Variants in ATP7A observed in about 807,000 individuals in gnomAD.
ATP7A encodes ATPase copper transporting alpha.
Under a neutral mutation model 83.5 loss-of-function variants are expected in ATP7A, and 7 were observed. The observed-to-expected ratio is 0.08, with a 90% confidence interval of 0.05 to 0.16. ATP7A has a LOEUF of 0.16. Ranked by LOEUF, ATP7A falls within the 10% of genes least tolerant of loss-of-function variation. The probability of loss-of-function intolerance (pLI) is 1.00; values close to 1 mark genes in which losing one functional copy is unlikely to be tolerated. For missense variants in ATP7A, 940 were observed against 1,120.8 expected, an observed-to-expected ratio of 0.84 and a Z score of 2.30; for synonymous variants, 354 against 395.2, an observed-to-expected ratio of 0.90 and a Z score of 1.24.
At chrX:77,949,016 C>T (rs1037327063) in intron 1 of ATP7A, among the ~76,000 whole-genome samples, 7 of 110,774 alleles carry the variant, frequency 6.3e-5, no homozygotes, top group Non-Finnish European at 1.3e-4. Flanking sequence ...CTCAGCCTCC[C>T]GAGTAGCTGG....
intron 1 of ATP7A, among the ~76,000 whole-genome samples, chrX:77,928,244 G>A (rs1296673475): frequency 1.8e-5 from 2 of 111,068 alleles, no homozygotes; most frequent in African/African-American, 6.6e-5. Context: ...ATTGGTGTTA[G>A]TTTATACTAC....
intron 1 of ATP7A, among the ~76,000 whole-genome samples, chrX:77,958,594 C>T: frequency 9.1e-6 from 1 of 110,423 alleles, no homozygotes. Flanking sequence ...TTTGTCATTC[C>T]ATATGAATTT....
Position 78,040,654 on chromosome X carries a change from A to G in ATP7A, c.3722A>G (p.His1241Arg), listed in dbSNP as rs1557238261. ...TVKPEAELAI[H>R]ILKSMGLEVV... is the part of the protein sequence containing the mutation. ...AAGCCTGAAGCAGAACTGGCTATCC[A>G]TATTCTGAAATCTATGGGCTTAGAA... is the stretch of plus-strand genomic sequence containing the variant. The change falls in exon 19 of 23, where the codon CAT becomes CGT. Residue 1241 changes from histidine to arginine, a missense_variant. By Grantham distance (29) the His-to-Arg change is conservative (BLOSUM62 0). Coordinates refer to ENST00000341514, the MANE Select transcript of ATP7A (RefSeq NM_000052.7). 8.3e-7 allele frequency: 1 copy of G among 1,210,771 alleles called. No homozygotes were observed. Among genetic ancestry groups the G allele is most frequent in the Non-Finnish European group, 1.1e-6 (1 of 894,421 alleles).
chrX:77,989,272 CTCA>C lies in ATP7A; in HGVS notation c.653_655del (p.His218del). ...CAAGAAGCTACTATTGTTTATCAACCTCATCTTATCTCAGTAGAGGAAATGAAA... is the reference window on the plus strand; with the variant it reads ...CAAGAAGCTACTATTGTTTATCAACCTCTTATCTCAGTAGAGGAAATGAAA... On this transcript the variant is annotated inframe_deletion, in exon 4 of 23. Transcript: ENST00000341514. The C allele has an allele frequency of 8.3e-7, 1 of 1,208,687 alleles. No homozygotes were observed. The highest frequency in any genetic ancestry group is 1.1e-6 in the Non-Finnish European group (1 of 893,341).
At chrX:77,995,567 CAAAAAAAAAAA>C (rs1232051931) in intron 4 of ATP7A, among the ~76,000 whole-genome samples, 1 of 35,026 alleles carries the variant, frequency 2.9e-5, no homozygotes, top group Non-Finnish European at 4.9e-5. Context: ...GACTCCATCT[CAAAAAAAAAAA>C]AAAAAAAAAA....
At chrX:77,978,739 A>T (rs991611428) in intron 2 of ATP7A, among the ~76,000 whole-genome samples, 2 of 112,024 alleles carry the variant, frequency 1.8e-5, no homozygotes, top group South Asian at 7.4e-4. Context: ...AAACTATCAG[A>T]GAGGTATATC....
rs1557237472 is a variant in ATP7A, at chrX:78,033,866, A to G, written c.3511+45A>G. Reference sequence around the variant, plus strand: ...AGTACCAATTATGGGGCAGTTATGAACAGATGGCTAACTTTATAACCCTGA... The same window carrying G: ...AGTACCAATTATGGGGCAGTTATGAGCAGATGGCTAACTTTATAACCCTGA... On this transcript the variant is annotated intron_variant, in intron 17 of 22. Transcript: ENST00000341514. The G allele has an allele frequency of 7.2e-6, 8 of 1,111,816 alleles. No individual in the cohort carries two copies. In the South Asian group the frequency reaches 1.5e-4, roughly 20 times the overall value. 91.6% of individuals were successfully genotyped at this position (1,111,816 alleles called of 1,213,427 possible).
intron 1 of ATP7A, among the ~76,000 whole-genome samples, chrX:77,926,000 C>G (rs1220367238): frequency 9.3e-6 from 1 of 108,025 alleles, no homozygotes; most frequent in Non-Finnish European, 1.9e-5. Context: ...ACAACTCTTT[C>G]GTGGTTTATT....
At chrX:77,998,422 G>A (rs2077717928) in intron 4 of ATP7A, 56 bp from the exon 5 acceptor site, 10 of 1,109,544 alleles carry the variant, frequency 9.0e-6, no homozygotes, top group Admixed American at 2.2e-5. Context: ...TGCAAGGCAA[G>A]GATGCAATTG....
chrX:77,950,414 A>G (rs74978250), intron 1 of ATP7A, among the ~76,000 whole-genome samples: 7,000 of 111,507 alleles, frequency 0.063, 226 homozygotes, highest in African/African-American at 0.12. Flanking sequence ...AAATATGACA[A>G]GTGTTACACT....
At chrX:77,976,107 T>C (rs1232442255) in intron 2 of ATP7A, among the ~76,000 whole-genome samples, 1 of 112,066 alleles carries the variant, frequency 8.9e-6, no homozygotes, top group Non-Finnish European at 1.9e-5. Context: ...TTTTTTGACA[T>C]ACTACCAGGA....
At chrX:78,041,310 T>C (rs1402418029) in intron 19 of ATP7A, among the ~76,000 whole-genome samples, 1 of 110,530 alleles carries the variant, frequency 9.0e-6, no homozygotes, top group African/African-American at 3.3e-5. Context: ...AGTTTCGCTC[T>C]TGTTGCCCAG....
Position 78,049,750 on chromosome X carries a change from A to C in ATP7A, c.*3180A>C, listed in dbSNP as rs1603392127. ...TAGCACTGTAGACAAGATGTTTCCA[A>C]AACTTTAAGTGCGCATATCTTTTCT... On this transcript the variant is annotated 3_prime_UTR_variant, in exon 23 of 23. Transcript: ENST00000341514. 8.9e-6 allele frequency: 1 copy of C among 112,565 alleles called. No homozygotes were observed. 9.3% of individuals were successfully genotyped at this position (112,565 alleles called of 1,213,427 possible).
chrX:78,032,711 A>G (rs1244131712), intron 16 of ATP7A, among the ~76,000 whole-genome samples: 1 of 111,966 alleles, frequency 8.9e-6, no homozygotes, highest in Non-Finnish European at 1.9e-5. Flanking sequence ...ATTGTCTCAC[A>G]TTAATTTTAC....
Position 77,989,251 on chromosome X carries a change from A to T in ATP7A, c.629A>T (p.Glu210Val). The T allele has an allele frequency of 1.7e-6, 2 of 1,207,406 alleles. No individual in the cohort carries two copies. Among genetic ancestry groups the T allele is most frequent in the Non-Finnish European group, 2.2e-6 (2 of 891,992 alleles). ...TAACTAGTCTCCCTGGACAATCAAG[A>T]AGCTACTATTGTTTATCAACCTCAT... Reference protein sequence around the residue: ...QRIKVSLDNQEATIVYQPHLI... With the variant: ...QRIKVSLDNQVATIVYQPHLI... The change falls in exon 4 of 23, where the codon GAA (glutamate) becomes GTA (valine). Residue 210 changes from glutamate (E) to valine (V), a missense_variant. By Grantham distance (121) the Glu-to-Val change is moderately radical. This residue lies in a region of ATP7A where 350 missense variants were observed against 432.8 expected (regional missense o/e 0.81). Coordinates refer to ENST00000341514, the MANE Select transcript of ATP7A (RefSeq NM_000052.7).
At chrX:77,918,963 A>G (rs2149040707) in intron 1 of ATP7A, among the ~76,000 whole-genome samples, 1 of 111,074 alleles carries the variant, frequency 9.0e-6, no homozygotes, top group South Asian at 3.7e-4. Context: ...TAAAAATTAC[A>G]TCTTTGTCTA....
intron 1 of ATP7A, among the ~76,000 whole-genome samples, chrX:77,932,006 C>G (rs1408107060): frequency 2.8e-5 from 3 of 108,856 alleles, no homozygotes; most frequent in Non-Finnish European, 5.8e-5. Flanking sequence ...GCTGACCCCC[C>G]CACCTCCCTC....
rs1209460167 is a variant in ATP7A at position 78,049,795 on chromosome X, A to C, written c.*3225A>C. On this transcript the variant is annotated 3_prime_UTR_variant, in exon 23 of 23. Transcript: ENST00000341514. ...TTTTCTGTATACAGCTTAAAATCAA[A>C]AATGTATGTTAAGAGAATTTTTTCT... is the stretch of plus-strand genomic sequence containing the variant. 1 of 112,279 alleles carries C rather than the reference A, an allele frequency of 8.9e-6. No individual in the cohort carries two copies. The highest frequency in any genetic ancestry group is 9.5e-5 in the Admixed American group (1 of 10,511). The allele number at this position is 112,279 out of a possible 1,213,427, so 9.3% of individuals were successfully genotyped here.
At chrX:77,930,772 G>C (rs1557224081) in intron 1 of ATP7A, among the ~76,000 whole-genome samples, 2 of 110,973 alleles carry the variant, frequency 1.8e-5, no homozygotes, top group African/African-American at 6.6e-5. Context: ...CTGATGGTAA[G>C]CTCTGGTAAA....
Sources: allele counts gnomAD v4.1 joint callset (sites outside exome capture counted in the v4.1 genomes callset), GRCh38; gene constraint gnomAD v4.1.1; regional missense constraint gnomAD v4.1.1; transcripts MANE v1.5; gene names NCBI Gene and HGNC (gene_info 2026-07-23, HGNC 2026-07-21).